The following LRRC37B variants were observed in gnomAD, a reference collection of about 807,000 sequenced individuals.
LRRC37B encodes the protein leucine rich repeat containing 37B.
A neutral mutation model predicts 98.3 loss-of-function variants in LRRC37B; 28 were observed. The observed-to-expected ratio is 0.28, with a 90% confidence interval of 0.21 to 0.39. LRRC37B has a LOEUF of 0.39. Among genes scored for constraint, LRRC37B ranks in the 10% least tolerant of loss-of-function variants. The pLI is 1.00. For synonymous variants in LRRC37B, 364 were observed against 442.7 expected (o/e 0.82, Z 2.23); for missense variants, 938 against 1,182.7 (o/e 0.79, Z 3.03).
intron 7 of LRRC37B, among the ~76,000 whole-genome samples, chr17:32,037,255 A>G (rs1911274492): frequency 6.6e-6 from 1 of 151,944 alleles, no homozygotes; most frequent in African/African-American, 2.4e-5. Context: ...TGCTGTGGTT[A>G]CAGGCGTGAG....
At chr17:32,050,657 C>T (rs2142264252) in intron 11 of LRRC37B, 1 of 151,550 alleles carries the variant, frequency 6.6e-6, no homozygotes, top group African/African-American at 2.4e-5. Flanking sequence ...AAATTTTGGC[C>T]ACGTTTTCAA....
At chr17:32,043,416 C>T (rs573479502) in intron 7 of LRRC37B, among the ~76,000 whole-genome samples, 99 of 152,044 alleles carry the variant, frequency 6.5e-4, no homozygotes, top group African/African-American at 2.3e-3. Context: ...CAAAAATGAG[C>T]CAGGTGTGGT....
chr17:32,023,207 C>T (rs1910855221), intron 1 of LRRC37B, among the ~76,000 whole-genome samples: 2 of 151,562 alleles, frequency 1.3e-5, no homozygotes, highest in South Asian at 2.1e-4. Context: ...CCGCAACCTC[C>T]GTCTCCCGGG....
chr17:32,015,437 T>A (rs1910628728), intron 1 of LRRC37B, among the ~76,000 whole-genome samples: 1 of 152,226 alleles, frequency 6.6e-6, no homozygotes, highest in African/African-American at 2.4e-5. Flanking sequence ...GAGTATTAAC[T>A]TCTGCTGGAA....
chr17:32,008,946 TC>T (rs944703882), intron 1 of LRRC37B, among the ~76,000 whole-genome samples: 16 of 152,244 alleles, frequency 1.1e-4, no homozygotes, highest in Non-Finnish European at 2.2e-4. Context: ...GACTTGTTTC[TC>T]TTGAGTAAAT....
chr17:32,040,594 A>C, intron 7 of LRRC37B: 1 of 772,106 alleles, frequency 1.3e-6, no homozygotes, highest in South Asian at 1.3e-5. Context: ...ACCATCAAGT[A>C]CCTGCAGCCC....
chr17:32,022,062 C>T lies in LRRC37B; in HGVS notation c.997C>T (p.Leu333=). The T allele has an allele frequency of 1.9e-6, 3 of 1,614,040 alleles. No individual in the cohort carries two copies. The East Asian group carries it at 6.7e-5, about 36-fold the overall frequency. ...TTCAACCCAGCAGGAGGCCCCAGCT[C>T]TGCCTCCAGAGTCCTCTATGGAGAG... The change falls in exon 1 of 12, where the codon CTG becomes TTG. Residue 333 remains leucine (L), a synonymous_variant. Transcript: ENST00000327564.
At chr17:32,040,168 A>G (rs1224672600) in intron 7 of LRRC37B, 1 of 166,366 alleles carries the variant, frequency 6.0e-6, no homozygotes, top group African/African-American at 2.4e-5. Context: ...TAATCTTTAA[A>G]GCATATTGAA....
intron 4 of LRRC37B, 47 bp from the exon 8 acceptor site, chr17:32,031,331 G>A (rs1367541488): frequency 6.3e-7 from 1 of 1,589,190 alleles, no homozygotes; most frequent in East Asian, 2.2e-5. Context: ...AATGATAAAT[G>A]TTCTGAAATA....
intron 3 of LRRC37B, among the ~76,000 whole-genome samples, chr17:32,029,669 G>C (rs1381198234): frequency 1.3e-5 from 2 of 152,030 alleles, no homozygotes; most frequent in Non-Finnish European, 2.9e-5. Context: ...GAAAGTATTC[G>C]AGGAATGCCA....
intron 1 of LRRC37B, among the ~76,000 whole-genome samples, chr17:32,023,192 G>A (rs1910854486): frequency 6.7e-6 from 1 of 149,966 alleles, no homozygotes; most frequent in African/African-American, 2.5e-5. Flanking sequence ...CATGGTCTTG[G>A]CTCACCGCAA....
chr17:32,007,649 C>T (rs948810172), upstream of LRRC37B, among the ~76,000 whole-genome samples: 2 of 151,456 alleles, frequency 1.3e-5, no homozygotes, highest in East Asian at 3.9e-4. This position sits in a 1 kb window ranked among gnomAD's most constrained non-coding sequence, Gnocchi z 4.1. Context: ...GCCCGCGGCT[C>T]CCGCTGCGGA....
intron 8 of LRRC37B, among the ~76,000 whole-genome samples, chr17:32,046,343 A>G (rs1178955342): frequency 6.6e-6 from 1 of 151,800 alleles, no homozygotes; most frequent in African/African-American, 2.4e-5. Flanking sequence ...TTCTATTGGA[A>G]TGGGGCTTTT....
At chr17:32,053,324 C>G (rs2142266070) in exon 12 of LRRC37B, 2 of 1,605,688 alleles carry the variant, frequency 1.2e-6, no homozygotes, top group South Asian at 1.1e-5. Flanking sequence ...ATATCAGGAG[C>G]CTGAGCATGA....
chr17:32,038,106 G>T (rs1435955884), intron 7 of LRRC37B, among the ~76,000 whole-genome samples: 1 of 149,420 alleles, frequency 6.7e-6, no homozygotes, highest in Non-Finnish European at 1.5e-5. Flanking sequence ...CAGCCTGGGC[G>T]ACACAGTGAG....
At chr17:32,032,801 G>A (rs1911145720) in intron 5 of LRRC37B, among the ~76,000 whole-genome samples, 1 of 152,082 alleles carries the variant, frequency 6.6e-6, no homozygotes, top group Non-Finnish European at 1.5e-5. Context: ...AGAGGTTTGG[G>A]TAGCATCAAT....
intron 11 of LRRC37B, 166 bp from the exon 15 acceptor site, chr17:32,053,100 G>A: frequency 1.6e-6 from 1 of 632,456 alleles, no homozygotes; most frequent in Non-Finnish European, 2.8e-6. Flanking sequence ...AAGGATGACT[G>A]AACTGTGGAA....
chr17:32,008,871 T>C (rs1399436854), intron 1 of LRRC37B, among the ~76,000 whole-genome samples: 1 of 152,252 alleles, frequency 6.6e-6, no homozygotes, highest in Non-Finnish European at 1.5e-5. Context: ...TGGTTATTTC[T>C]AGTTTTTGGC....
In LRRC37B at chr17:32,031,186, T is replaced by C. The variant is rs138194795; in HGVS notation, c.1977-192T>C. Among the ~76,000 whole-genome samples the C allele has an allele frequency of 2.0e-5, 3 of 152,346 alleles. No individual in the cohort carries two copies. In the East Asian group the frequency reaches 5.8e-4, roughly 29 times the overall value. On this transcript the variant is annotated intron_variant, in intron 4 of 11. Coordinates refer to ENST00000327564, the Ensembl canonical transcript of LRRC37B. ...ACAGGTATTTACTGAGCGTTCACTG[T>C]TTTGTAGCTAATGCACCACATGTGC...
Sources: allele counts gnomAD v4.1 joint callset (sites outside exome capture counted in the v4.1 genomes callset), GRCh38; gene constraint gnomAD v4.1.1; non-coding constraint Gnocchi (gnomAD v3.1); transcripts MANE v1.5; gene names NCBI Gene and HGNC (gene_info 2026-07-23, HGNC 2026-07-21).